The following CBFA2T2 variants were observed in gnomAD, a reference collection of about 807,000 sequenced individuals.
The protein encoded by CBFA2T2 is CBFA2/RUNX1 partner transcriptional co-repressor 2, also known as protein CBFA2T2.
A neutral mutation model predicts 62.2 loss-of-function variants in CBFA2T2; 11 were observed. The ratio of observed to expected loss-of-function variants is 0.18; its 90% CI spans 0.11 to 0.29. The LOEUF (loss-of-function observed/expected upper bound fraction) is 0.29, where lower values mean the gene tolerates loss of function less well. Among genes scored for constraint, CBFA2T2 ranks in the 10% least tolerant of loss-of-function variants. CBFA2T2 has a pLI of 1.00. For missense variants in CBFA2T2, 592 were observed against 774.1 expected (o/e 0.76, Z 2.79); for synonymous variants, 295 against 287.5 (o/e 1.03, Z -0.27).
rs568473923 is a variant in CBFA2T2, at chr20:33,505,501, C to T, written c.34+15200C>T. 1.4e-4 allele frequency among the ~76,000 whole-genome samples: 22 copies of T among 151,922 alleles called. No homozygotes were observed. The Middle Eastern group carries it at 0.017, about 117-fold the overall frequency. On this transcript the variant is annotated intron_variant, in intron 1 of 10. Transcript: ENST00000342704. ...ATGGTTGAATAGAAATAGAAGGGGT[C>T]GGCCGGGTGCAGTGGCTCACGCCTG...
rs1303320762 is a variant in CBFA2T2, at chr20:33,516,425, G to A, written c.34+26124G>A. The stretch of plus-strand genomic sequence containing the variant: ...GCAGAGGTTACAGTGAGCTGAGAGC[G>A]TGCCACTGCACTCCAGCCTGAGCAA... On this transcript the variant is annotated intron_variant, in intron 1 of 10. Coordinates refer to ENST00000342704, the MANE Select transcript of CBFA2T2 (RefSeq NM_001032999.3). Among the ~76,000 whole-genome samples the A allele has an allele frequency of 3.3e-5, 5 of 152,338 alleles. No homozygotes were observed. In the South Asian group the frequency reaches 6.2e-4, roughly 19 times the overall value.
intron 1 of CBFA2T2, among the ~76,000 whole-genome samples, chr20:33,537,354 GC>G (rs2012290115): frequency 6.6e-6 from 1 of 152,242 alleles, no homozygotes; most frequent in African/African-American, 2.4e-5. Flanking sequence ...AGGCGTGGCA[GC>G]GCGCGCCTGC....
At chr20:33,521,186 G>A (rs937916707) in intron 1 of CBFA2T2, among the ~76,000 whole-genome samples, 1 of 152,188 alleles carries the variant, frequency 6.6e-6, no homozygotes, top group Non-Finnish European at 1.5e-5. Flanking sequence ...TGTTTATTTA[G>A]CACTATCCAT....
intron 1 of CBFA2T2, among the ~76,000 whole-genome samples, chr20:33,544,940 TAGAAC>T (rs1419558436): frequency 1.6e-4 from 21 of 127,296 alleles, no homozygotes; most frequent in East Asian, 1.5e-3. Flanking sequence ...GTGAATAGAA[TAGAAC>T]AGAATAGAAT....
intron 1 of CBFA2T2, among the ~76,000 whole-genome samples, chr20:33,544,612 A>T (rs2146880045): frequency 6.6e-6 from 1 of 152,042 alleles, no homozygotes; most frequent in African/African-American, 2.4e-5. Context: ...TAGTGGCGCG[A>T]TCTCGGCTCA....
intron 1 of CBFA2T2, among the ~76,000 whole-genome samples, chr20:33,583,942 G>T (rs545439624): frequency 2.0e-5 from 3 of 151,814 alleles, no homozygotes; most frequent in African/African-American, 7.2e-5. Context: ...TTGTTTGTTT[G>T]TTTGTTTGTT....
intron 1 of CBFA2T2, among the ~76,000 whole-genome samples, chr20:33,493,068 G>GTTTTTTTTTTTTT (rs1157324208): frequency 2.3e-5 from 2 of 88,080 alleles, no homozygotes; most frequent in African/African-American, 4.5e-5. Context: ...TGAAGTTTTG[G>GTTTTTTTTTTTTT]TTTTTTTTTT....
intron 1 of CBFA2T2, among the ~76,000 whole-genome samples, chr20:33,596,256 G>A (rs575493212): frequency 6.6e-6 from 1 of 152,304 alleles, no homozygotes; most frequent in South Asian, 2.1e-4. Flanking sequence ...GTTCTGGGGC[G>A]AGATCTGTGT....
chr20:33,623,510 A>G (rs568806816), intron 5 of CBFA2T2, among the ~76,000 whole-genome samples: 1 of 152,326 alleles, frequency 6.6e-6, no homozygotes, highest in African/African-American at 2.4e-5. Context: ...CTCTCACCTC[A>G]GCCTCCTGAG....
intron 2 of CBFA2T2, among the ~76,000 whole-genome samples, chr20:33,609,317 A>G (rs1039270976): frequency 3.3e-5 from 5 of 152,176 alleles, no homozygotes; most frequent in African/African-American, 1.2e-4. Flanking sequence ...CCTGGCCAAC[A>G]TGGTGAAACC....
intron 1 of CBFA2T2, among the ~76,000 whole-genome samples, chr20:33,599,566 A>G (rs1357117060): frequency 5.9e-5 from 9 of 151,826 alleles, no homozygotes; most frequent in Non-Finnish European, 2.9e-5. Context: ...AGGTCCTTGT[A>G]AAATACTTTC....
At chr20:33,632,030 T>G (rs1350293921) in intron 8 of CBFA2T2, among the ~76,000 whole-genome samples, 1 of 152,036 alleles carries the variant, frequency 6.6e-6, no homozygotes, top group Non-Finnish European at 1.5e-5. Flanking sequence ...AATTAGTTCT[T>G]TTTGTTTGTT....
Position 33,619,517 on chromosome 20 carries a change from A to G in CBFA2T2, c.421A>G (p.Asn141Asp). The G allele has an allele frequency of 6.3e-7, 1 of 1,584,780 alleles. No individual in the cohort carries two copies. The highest frequency in any genetic ancestry group is 1.2e-5 in the South Asian group (1 of 86,458). Reference sequence around the variant, plus strand: ...TGAACAAGGTTATTTATCTTTTCAGAACTCAACAGTGACAATTGAGGAATT... The same window carrying G: ...TGAACAAGGTTATTTATCTTTTCAGGACTCAACAGTGACAATTGAGGAATT... Reference protein sequence around the residue: ...KVRTLVLALVNSTVTIEEFHC... With the variant: ...KVRTLVLALVDSTVTIEEFHC... The change falls in exon 4 of 11, where the codon AAC (asparagine) becomes GAC (aspartate). Residue 141 changes from asparagine to aspartate, a missense_variant and splice_region_variant. Coordinates refer to ENST00000342704, the MANE Select transcript of CBFA2T2 (RefSeq NM_001032999.3).
chr20:33,624,706 A>G, intron 5 of CBFA2T2, 58 bp from the exon 6 acceptor site: 1 of 1,584,874 alleles, frequency 6.3e-7, no homozygotes, highest in Non-Finnish European at 8.6e-7. Flanking sequence ...GTTCTCAGGA[A>G]ATGTCTGCAT....
rs199805350 is a variant in CBFA2T2 at position 33,621,287 on chromosome 20, C to CTTTTTTTTTTTTTTTTTTTTTTTTT, written c.510+1683_510+1707dup. ...TCTATAATACCTTTAATTTTACTGC[C>CTTTTTTTTTTTTTTTTTTTTTTTTT]TTTTTTTTTTTTTTTTTTTTTTTTT... On this transcript the variant is annotated intron_variant, in intron 4 of 10. Coordinates refer to ENST00000342704, the MANE Select transcript of CBFA2T2 (RefSeq NM_001032999.3). Among the ~76,000 whole-genome samples, 80 of 85,290 alleles carry CTTTTTTTTTTTTTTTTTTTTTTTTT rather than the reference C, an allele frequency of 9.4e-4. 7 individuals are homozygous for CTTTTTTTTTTTTTTTTTTTTTTTTT. Among genetic ancestry groups the CTTTTTTTTTTTTTTTTTTTTTTTTT allele is most frequent in the East Asian group, 2.1e-3 (5 of 2,418 alleles). The allele number at this position is 85,290 out of a possible 152,430, so 56.0% of individuals were successfully genotyped here.
chr20:33,634,688 AAAAAAAAAG>A lies in CBFA2T2; in HGVS notation c.1229-1949_1229-1941del, dbSNP rs1247940444. On this transcript the variant is annotated intron_variant, in intron 8 of 10. Transcript: ENST00000342704. ...CTATGTCCAAAAAAAAAAAAAAAAA[AAAAAAAAAG>A]AATCTGAATATATGTGTTTAATGAG... Among the ~76,000 whole-genome samples the A allele has an allele frequency of 5.0e-3, 759 of 151,398 alleles. 7 individuals carry two copies. The highest frequency in any genetic ancestry group is 0.017 in the African/African-American group (711 of 41,144).
chr20:33,611,144 C>T lies in CBFA2T2; in HGVS notation c.229C>T (p.Pro77Ser). ...TCCTACCCTGAATGGTGCCCCATCA[C>T]CGCCACAGAGATTCAGCAATGGTCC... ...SPPTLNGAPSPPQRFSNGPAS... is the reference protein window; with the variant it reads ...SPPTLNGAPSSPQRFSNGPAS... Residue 77 changes from proline to serine, a missense_variant, in exon 3 of 11, where the codon CCG (proline) becomes TCG (serine). Around this residue, in one of 3 missense-constraint regions of CBFA2T2, gnomAD observed 449 missense variants for 551.2 expected, o/e 0.81. Transcript: ENST00000342704. The T allele has an allele frequency of 6.2e-7, 1 of 1,614,218 alleles. No individual in the cohort carries two copies. The highest frequency in any genetic ancestry group is 8.5e-7 in the Non-Finnish European group (1 of 1,180,030).
chr20:33,603,457 T>C (rs148937215), intron 1 of CBFA2T2, among the ~76,000 whole-genome samples: 3 of 152,376 alleles, frequency 2.0e-5, no homozygotes, highest in South Asian at 4.1e-4. Flanking sequence ...ATCTGGGTTT[T>C]ATTTTTTAAT....
At chr20:33,563,677 T>C (rs2013176184) in intron 1 of CBFA2T2, among the ~76,000 whole-genome samples, 1 of 152,160 alleles carries the variant, frequency 6.6e-6, no homozygotes, top group Non-Finnish European at 1.5e-5. Flanking sequence ...TGAATCTCTA[T>C]TTTGTGTAAT....
Sources: allele counts gnomAD v4.1 joint callset (sites outside exome capture counted in the v4.1 genomes callset), GRCh38; gene constraint gnomAD v4.1.1; regional missense constraint gnomAD v4.1.1; transcripts MANE v1.5; gene names NCBI Gene and HGNC (gene_info 2026-07-23, HGNC 2026-07-21).